The following PHF21A variants were observed in gnomAD, a reference collection of about 807,000 sequenced individuals.
PHF21A encodes BHC80a.
In PHF21A, 11 loss-of-function variants were observed where a neutral mutation model predicts 82.5. The ratio of observed to expected loss-of-function variants is 0.13; its 90% CI spans 0.08 to 0.22. PHF21A has a LOEUF of 0.22. Ranked by LOEUF, PHF21A falls within the 10% of genes least tolerant of loss-of-function variation. The pLI, the probability that PHF21A is intolerant of heterozygous loss-of-function variation, is 1.00. For missense variants in PHF21A, 579 were observed against 837.8 expected, an observed-to-expected ratio of 0.69 and a Z score of 3.81; for synonymous variants, 297 against 302.8, an observed-to-expected ratio of 0.98 and a Z score of 0.20.
chr11:45,951,509 G>C (rs1204498565), intron 11 of PHF21A, among the ~76,000 whole-genome samples: 3 of 152,204 alleles, frequency 2.0e-5, no homozygotes, highest in African/African-American at 4.8e-5. Context: ...GTAAGAAAAA[G>C]CAGTCTTGGA....
intron 6 of PHF21A, among the ~76,000 whole-genome samples, chr11:46,051,638 A>G (rs966495855): frequency 6.6e-6 from 1 of 152,208 alleles, no homozygotes; most frequent in Non-Finnish European, 1.5e-5. Flanking sequence ...TAAGCATGCC[A>G]ATGTGCAATT....
chr11:46,033,492 G>A (rs910134770), intron 6 of PHF21A, among the ~76,000 whole-genome samples: 1 of 152,042 alleles, frequency 6.6e-6, no homozygotes, highest in African/African-American at 2.4e-5. Context: ...TTGAACTCCT[G>A]GGCTCAAGCA....
At chr11:45,935,204 G>A (rs1260860790) in intron 18 of PHF21A, 1 of 1,291,252 alleles carries the variant, frequency 7.7e-7, no homozygotes, top group African/African-American at 1.5e-5. Context: ...GTGGAAGAAA[G>A]AGCGAGGGAG....
intron 1 of PHF21A, among the ~76,000 whole-genome samples, chr11:46,100,298 C>CT (rs2097076029): frequency 6.6e-6 from 1 of 151,968 alleles, no homozygotes; most frequent in Non-Finnish European, 1.5e-5. Flanking sequence ...TGAGCATGGA[C>CT]TTTTTTCCTA....
At chr11:45,999,720 G>A (rs2095051014) in intron 6 of PHF21A, among the ~76,000 whole-genome samples, 1 of 152,198 alleles carries the variant, frequency 6.6e-6, no homozygotes, top group African/African-American at 2.4e-5. Context: ...CAAATATTAT[G>A]TTACTTATTT....
chr11:45,995,698 A>G (rs953064615), intron 6 of PHF21A, among the ~76,000 whole-genome samples: 2 of 152,220 alleles, frequency 1.3e-5, no homozygotes, highest in Non-Finnish European at 2.9e-5. Flanking sequence ...TAACAAAAGG[A>G]AGACTTTAAT....
In PHF21A at chr11:45,971,108, T is replaced by A; in HGVS notation, c.612+8A>T. 1 of 1,613,910 alleles carries A rather than the reference T, an allele frequency of 6.2e-7. No individual in the cohort carries two copies. The highest frequency in any genetic ancestry group is 8.5e-7 in the Non-Finnish European group (1 of 1,179,906). ...GTGATCACACATGAGGAGCAGCTGC[T>A]GGCTTACCAGAGTGACTGTGTTTTT... On this transcript the variant is annotated splice_region_variant and intron_variant, in intron 8 of 18. Coordinates refer to ENST00000676320, the MANE Select transcript of PHF21A (RefSeq NM_001352027.3).
At position 46,040,890 on chromosome 11, in the gene PHF21A, GACACACACACAC is replaced by G. The variant is rs35673374; in HGVS notation, c.153+35852_153+35863del. ...ACCCTTAGAACTACACTGACAGGAA[GACACACACACAC>G]ACACACACACACACACACACACACA... On this transcript the variant is annotated intron_variant, in intron 6 of 18. Coordinates refer to ENST00000676320, the MANE Select transcript of PHF21A (RefSeq NM_001352027.3). Among the ~76,000 whole-genome samples, 282 of 137,320 alleles carry G rather than the reference GACACACACACAC, an allele frequency of 2.1e-3. 1 individual carries two copies. The highest frequency in any genetic ancestry group is 7.1e-3 in the African/African-American group (263 of 36,828). 90.1% of individuals were successfully genotyped at this position (137,320 alleles called of 152,430 possible). A position where few individuals can be genotyped will look rare whatever the true frequency, so the allele number is the denominator to read the frequency against.
At chr11:45,943,039 G>A (rs1468721785) in intron 15 of PHF21A, among the ~76,000 whole-genome samples, 2 of 151,624 alleles carry the variant, frequency 1.3e-5, no homozygotes, top group African/African-American at 2.4e-5. Flanking sequence ...CAATCCTGAT[G>A]GCTCTTCAAA....
chr11:46,066,798 G>C (rs1388880120), intron 6 of PHF21A, among the ~76,000 whole-genome samples: 2 of 152,142 alleles, frequency 1.3e-5, no homozygotes, highest in Non-Finnish European at 2.9e-5. Flanking sequence ...ACTTCTTAGA[G>C]GCAATCACTG....
chr11:45,948,671 C>T (rs186946292), intron 14 of PHF21A, among the ~76,000 whole-genome samples: 1 of 152,366 alleles, frequency 6.6e-6, no homozygotes, highest in East Asian at 1.9e-4. Flanking sequence ...TCAGCTTTGC[C>T]AGAATCCTAG....
intron 10 of PHF21A, 57 bp from the exon 11 acceptor site, chr11:45,953,682 G>A (rs2092378229): frequency 5.6e-6 from 6 of 1,072,788 alleles, no homozygotes; most frequent in Non-Finnish European, 8.5e-6. Context: ...AAAGGATGAA[G>A]CAATCAGAAG....
In PHF21A at chr11:46,105,715, C is replaced by A. The variant is rs544541597; in HGVS notation, c.-236-13492G>T. Reference sequence around the variant, plus strand: ...ATTTAAATGAGAAAAAAGCAAAATTCTCATAATTTTGTAACTTGTCCAAAT... The same window carrying A: ...ATTTAAATGAGAAAAAAGCAAAATTATCATAATTTTGTAACTTGTCCAAAT... On this transcript the variant is annotated intron_variant, in intron 1 of 18. Coordinates refer to ENST00000676320, the MANE Select transcript of PHF21A (RefSeq NM_001352027.3). Among the ~76,000 whole-genome samples the A allele has an allele frequency of 1.1e-4, 17 of 152,220 alleles. No homozygotes were observed. In the East Asian group the frequency reaches 2.9e-3, roughly 26 times the overall value.
intron 16 of PHF21A, among the ~76,000 whole-genome samples, chr11:45,937,244 T>C (rs2089291796): frequency 6.6e-6 from 1 of 152,234 alleles, no homozygotes; most frequent in African/African-American, 2.4e-5. Context: ...TTATTATTTA[T>C]ACTTTGCCTA....
intron 7 of PHF21A, among the ~76,000 whole-genome samples, chr11:45,978,353 T>C (rs929180461): frequency 2.0e-5 from 3 of 152,072 alleles, no homozygotes; most frequent in African/African-American, 7.2e-5. Context: ...ATGGTAATAA[T>C]AATAACTTCC....
chr11:45,983,989 A>G (rs1011438643), intron 6 of PHF21A, among the ~76,000 whole-genome samples: 2 of 152,206 alleles, frequency 1.3e-5, no homozygotes, highest in Admixed American at 6.5e-5. Flanking sequence ...CGAAGGTTAT[A>G]CTGGCATACA....
intron 7 of PHF21A, among the ~76,000 whole-genome samples, chr11:45,978,712 A>T (rs542986458): frequency 5.3e-5 from 8 of 152,360 alleles, no homozygotes; most frequent in African/African-American, 1.7e-4. Flanking sequence ...AGCTTTCAAC[A>T]GAGTCATAAA....
At chr11:46,061,878 AG>A (rs1386797558) in intron 6 of PHF21A, among the ~76,000 whole-genome samples, 4 of 152,108 alleles carry the variant, frequency 2.6e-5, no homozygotes, top group Non-Finnish European at 4.4e-5. Flanking sequence ...GATGTATGGG[AG>A]GTAAGTTTTG....
Position 45,945,912 on chromosome 11 carries a change from T to C in PHF21A, c.1380A>G (p.Glu460=). 6.2e-7 allele frequency: 1 copy of C among 1,612,854 alleles called. No homozygotes were observed. Among genetic ancestry groups the C allele is most frequent in the Non-Finnish European group, 8.5e-7 (1 of 1,179,538 alleles). The change falls in exon 15 of 19, where the codon GAA becomes GAG. Residue 460 remains glutamate (E), a synonymous_variant. Coordinates refer to ENST00000676320, the MANE Select transcript of PHF21A (RefSeq NM_001352027.3). The part of the protein sequence containing the change: ...QSSHPDSPEN[E]KTETTFTFPA... ...GGAAAGTGAATGTGGTCTCTGTCTT[T>C]TCATTTTCAGGGGAGTCAGGATGAC...
Sources: gnomAD v4.1 joint callset for allele counts (sites outside exome capture counted in the v4.1 genomes callset) on GRCh38, gnomAD v4.1.1 for gene constraint, MANE v1.5 for transcripts, NCBI Gene and HGNC (gene_info 2026-07-23, HGNC 2026-07-21) for gene names.